SHISA9: variants seen among roughly 807,000 people sequenced by gnomAD.
SHISA9 encodes the protein protein shisa-9.
SHISA9 carries 13 observed loss-of-function variants against 38.0 expected under a neutral mutation model. The ratio of observed to expected loss-of-function variants is 0.34; its 90% CI spans 0.22 to 0.54. The LOEUF (loss-of-function observed/expected upper bound fraction) is 0.54, where lower values mean the gene tolerates loss of function less well. SHISA9 is among the 20% of genes least tolerant of loss of function. The pLI is 0.91. For missense variants in SHISA9, 538 were observed against 575.8 expected (o/e 0.93, Z 0.67); for synonymous variants, 275 against 242.0 (o/e 1.14, Z -1.27).
At chr16:13,526,723 C>T in the SHISA9 span, among the ~76,000 whole-genome samples, 1 of 152,130 alleles carries the variant, frequency 6.6e-6, no homozygotes, top group African/African-American at 2.4e-5. Context: ...CCCCTCTACA[C>T]ATATTAGCCT....
chr16:13,478,176 T>A, the SHISA9 span, among the ~76,000 whole-genome samples: 1 of 152,264 alleles, frequency 6.6e-6, no homozygotes. Context: ...CTTGACGGCA[T>A]CTCATGTCTG....
chr16:13,178,875 C>A (rs186778375), intron 2 of SHISA9, among the ~76,000 whole-genome samples: 96 of 152,022 alleles, frequency 6.3e-4, no homozygotes, highest in African/African-American at 2.3e-3. Flanking sequence ...TTGTTTTTTT[C>A]TGCCCTATTT....
At chr16:13,320,292 C>CAAAAAAAAAAAAAAAAAAA in the SHISA9 span, among the ~76,000 whole-genome samples, 1 of 38,978 alleles carries the variant, frequency 2.6e-5, no homozygotes, top group African/African-American at 5.9e-5. Context: ...GACTCTGTCT[C>CAAAAAAAAAAAAAAAAAAA]AAAAAAAAAA....
In SHISA9 at chr16:13,238,494, T is replaced by G. The variant is rs184075413; in HGVS notation, c.*3085T>G. 2 of 152,322 alleles carry G rather than the reference T, an allele frequency of 1.3e-5. No homozygotes were observed. The highest frequency in any genetic ancestry group is 1.3e-4 in the Admixed American group (2 of 15,296). The allele number at this position is 152,322 out of a possible 1,614,324, so 9.4% of individuals were successfully genotyped here. A position where few individuals can be genotyped will look rare whatever the true frequency, so the allele number is the denominator to read the frequency against. On this transcript the variant is annotated 3_prime_UTR_variant, in exon 5 of 5. Coordinates refer to ENST00000558583, the MANE Select transcript of SHISA9 (RefSeq NM_001145204.3). ...TTATCTCAACTCTGATTAAGAGTCT[T>G]TCTTGGCCTCTAAATCTGTAGTATT...
the SHISA9 span, among the ~76,000 whole-genome samples, chr16:13,348,134 A>G: frequency 6.6e-6 from 1 of 152,218 alleles, no homozygotes. Flanking sequence ...AATTAATACA[A>G]TAATAACGTT....
intron 2 of SHISA9, among the ~76,000 whole-genome samples, chr16:12,988,627 C>G (rs1009323891): frequency 1.3e-5 from 2 of 152,104 alleles, no homozygotes; most frequent in East Asian, 3.9e-4. Context: ...CCAGTTCAAC[C>G]GATTCTCCTC....
At chr16:13,552,276 C>A in the SHISA9 span, among the ~76,000 whole-genome samples, 6 of 152,136 alleles carry the variant, frequency 3.9e-5, no homozygotes, top group Admixed American at 3.3e-4. Flanking sequence ...CAGAGGGAGT[C>A]TCCCCGGTGG....
In SHISA9 at chr16:13,024,041, C is replaced by T. The variant is rs1053799986; in HGVS notation, c.691+107226C>T. 7.9e-5 allele frequency among the ~76,000 whole-genome samples: 12 copies of T among 152,278 alleles called. No individual in the cohort carries two copies. The South Asian group carries it at 8.3e-4, about 11-fold the overall frequency. On this transcript the variant is annotated intron_variant, in intron 2 of 4. Coordinates refer to ENST00000558583, the MANE Select transcript of SHISA9 (RefSeq NM_001145204.3). Reference sequence around the variant, plus strand: ...AGAGTAATTAGATGCCTTTTATGTGCGAGGAACTGGGTTAAAGCTCTTCAT... The same window carrying T: ...AGAGTAATTAGATGCCTTTTATGTGTGAGGAACTGGGTTAAAGCTCTTCAT...
the SHISA9 span, among the ~76,000 whole-genome samples, chr16:13,545,974 C>T: frequency 3.9e-5 from 6 of 152,012 alleles, no homozygotes; most frequent in Non-Finnish European, 8.8e-5. Flanking sequence ...ACTGGTAGGA[C>T]GTAAATTTGG....
intron 2 of SHISA9, among the ~76,000 whole-genome samples, chr16:12,975,903 T>C (rs1400241106): frequency 6.6e-6 from 1 of 151,812 alleles, no homozygotes; most frequent in East Asian, 1.9e-4. Context: ...CCAGTGAACA[T>C]TAAGCCAACA....
At chr16:13,279,641 G>A in the SHISA9 span, among the ~76,000 whole-genome samples, 2 of 151,880 alleles carry the variant, frequency 1.3e-5, no homozygotes, top group African/African-American at 4.8e-5. Context: ...GGATGTAGAG[G>A]TCTATAAACA....
chr16:13,469,343 AAAG>A, the SHISA9 span, among the ~76,000 whole-genome samples: 241 of 130,640 alleles, frequency 1.8e-3, no homozygotes, highest in Middle Eastern at 3.7e-3. Context: ...AGAAAGAAAG[AAAG>A]AAAGAAAGAA....
chr16:13,165,166 A>AT (rs1467891375), intron 2 of SHISA9, among the ~76,000 whole-genome samples: 1 of 151,938 alleles, frequency 6.6e-6, no homozygotes. Flanking sequence ...AATTGTTCCA[A>AT]TTTTTTTTAT....
chr16:13,051,190 A>G (rs957300369), intron 2 of SHISA9, among the ~76,000 whole-genome samples: 9 of 152,268 alleles, frequency 5.9e-5, no homozygotes, highest in Non-Finnish European at 8.8e-5. Flanking sequence ...ACAGTTCCAC[A>G]TGGCTGGGGA....
At chr16:13,287,192 A>C in the SHISA9 span, among the ~76,000 whole-genome samples, 1 of 152,158 alleles carries the variant, frequency 6.6e-6, no homozygotes, top group African/African-American at 2.4e-5. Context: ...AACCCAATTA[A>C]ATGTGGAAGG....
intron 2 of SHISA9, among the ~76,000 whole-genome samples, chr16:12,998,613 T>A (rs983919481): frequency 6.6e-6 from 1 of 152,216 alleles, no homozygotes; most frequent in Admixed American, 6.5e-5. Context: ...CATGGAAATC[T>A]CTACTTTCCT....
chr16:13,459,604 C>CTCTTCAG, the SHISA9 span, among the ~76,000 whole-genome samples: 39 of 152,274 alleles, frequency 2.6e-4, no homozygotes, highest in Non-Finnish European at 4.6e-4. Context: ...ACAGATATCA[C>CTCTTCAG]TGAAGATTTT....
At chr16:12,917,092 A>G (rs1455769256) in intron 2 of SHISA9, among the ~76,000 whole-genome samples, 1 of 152,146 alleles carries the variant, frequency 6.6e-6, no homozygotes, top group Non-Finnish European at 1.5e-5. Flanking sequence ...TGATTTATTA[A>G]CTAGATTAGT....
chr16:13,419,648 A>G, the SHISA9 span, among the ~76,000 whole-genome samples: 1 of 152,204 alleles, frequency 6.6e-6, no homozygotes, highest in African/African-American at 2.4e-5. Context: ...TCTCTTCCTG[A>G]ACTTGAAGAC....
Sources: gnomAD v4.1 joint callset for allele counts (sites outside exome capture counted in the v4.1 genomes callset) on GRCh38, gnomAD v4.1.1 for gene constraint, MANE v1.5 for transcripts, NCBI Gene and HGNC (gene_info 2026-07-23, HGNC 2026-07-21) for gene names.